The following FKBP6 variants were observed in gnomAD, a reference collection of about 807,000 sequenced individuals.
FKBP6 encodes FKBP prolyl isomerase family member 6 (inactive).
A neutral mutation model predicts 41.7 loss-of-function variants in FKBP6; 29 were observed. That is an observed-to-expected ratio of 0.70 (90% CI 0.52 to 0.95). The LOEUF (loss-of-function observed/expected upper bound fraction) is 0.95, where lower values mean the gene tolerates loss of function less well. FKBP6 is among the 40% of genes least tolerant of loss of function. The pLI, the probability that FKBP6 is intolerant of heterozygous loss-of-function variation, is 0.00. For synonymous variants in FKBP6, 130 were observed against 165.1 expected (o/e 0.79, Z 1.63); for missense variants, 338 against 408.7 (o/e 0.83, Z 1.49).
intron 8 of FKBP6, among the ~76,000 whole-genome samples, chr7:73,345,222 G>GAAAAA (rs1156457847): frequency 3.0e-5 from 2 of 66,648 alleles, no homozygotes; most frequent in African/African-American, 6.0e-5. Flanking sequence ...GCATCAGCCA[G>GAAAAA]AAAAAAAAAA....
chr7:73,342,132 C>T (rs563026054), intron 7 of FKBP6, among the ~76,000 whole-genome samples: 6 of 152,228 alleles, frequency 3.9e-5, no homozygotes, highest in East Asian at 1.9e-4. Flanking sequence ...TTGTTACCCA[C>T]GTGACTAAGC....
rs782516826 is a variant in FKBP6 at position 73,341,233 on chromosome 7, CTT to C, written c.784-37_784-36del. 698 of 1,399,294 alleles carry C rather than the reference CTT, an allele frequency of 5.0e-4. 3 individuals are homozygous for C. Among genetic ancestry groups the C allele is most frequent in the Non-Finnish European group, 6.1e-4 (600 of 984,098 alleles). The allele number at this position is 1,399,294 out of a possible 1,614,324, so 86.7% of individuals were successfully genotyped here. On this transcript the variant is annotated intron_variant, in intron 6 of 8. Coordinates refer to ENST00000252037, the MANE Select transcript of FKBP6 (RefSeq NM_003602.5). ...GCCACCGTGCCCAGCCAAATGATAT[CTT>C]TTCTAACTGTGCTTTTAAAGTTCTC...
chr7:73,349,273 G>A lies in FKBP6; in HGVS notation c.*2+6374G>A, dbSNP rs141163074. Among the ~76,000 whole-genome samples the A allele has an allele frequency of 1.4e-3, 216 of 151,588 alleles. 1 individual carries two copies. The highest frequency in any genetic ancestry group is 2.9e-3 in the Admixed American group (44 of 15,206). ...AAAAATGCAAAATTAGCCAGGCGTGGTGGCACATGCCTGTAATCCCAGCTA... is the reference window on the plus strand; with the variant it reads ...AAAAATGCAAAATTAGCCAGGCGTGATGGCACATGCCTGTAATCCCAGCTA... On this transcript the variant is annotated intron_variant, in intron 8 of 8. Coordinates refer to ENST00000252037, the MANE Select transcript of FKBP6 (RefSeq NM_003602.5).
chr7:73,336,077 A>G (rs1554548522), intron 5 of FKBP6, among the ~76,000 whole-genome samples: 1 of 152,144 alleles, frequency 6.6e-6, no homozygotes, highest in Non-Finnish European at 1.5e-5. Context: ...ATGCAGCTCC[A>G]ACAGCTAACC....
intron 8 of FKBP6, among the ~76,000 whole-genome samples, chr7:73,345,188 G>T (rs1805301044): frequency 6.8e-6 from 1 of 147,602 alleles, no homozygotes; most frequent in South Asian, 2.1e-4. Context: ...CCTTGGTATT[G>T]CCAGGGACAG....
At chr7:73,351,140 C>A (rs782421217) in intron 8 of FKBP6, among the ~76,000 whole-genome samples, 2 of 151,964 alleles carry the variant, frequency 1.3e-5, no homozygotes, top group Non-Finnish European at 2.9e-5. Context: ...AGTACAGTGG[C>A]GCGATCTCAG....
In FKBP6 at chr7:73,328,700, C is replaced by G. The variant is rs372557515; in HGVS notation, c.175+8C>G. 1.6e-5 allele frequency: 25 copies of G among 1,611,922 alleles called. No individual in the cohort carries two copies. Among genetic ancestry groups the G allele is most frequent in the Non-Finnish European group, 1.9e-5 (23 of 1,179,828 alleles). On this transcript the variant is annotated splice_region_variant and intron_variant, in intron 2 of 8. Coordinates refer to ENST00000252037, the MANE Select transcript of FKBP6 (RefSeq NM_003602.5). ...CTGATGCTTCGGTGCTAGGTACGCC[C>G]TGGGGCGGTTTGTCCTCAGGATCCA...
rs569730075 is a variant in FKBP6, at chr7:73,350,783, T to G, written c.*3-7398T>G. Reference sequence around the variant, plus strand: ...AGGTGAGCCCCGGAGCAGCGGGCCCTCAGCCCAGTGCCAATGCCGAGGCCA... The same window carrying G: ...AGGTGAGCCCCGGAGCAGCGGGCCCGCAGCCCAGTGCCAATGCCGAGGCCA... On this transcript the variant is annotated intron_variant, in intron 8 of 8. Coordinates refer to ENST00000252037, the MANE Select transcript of FKBP6 (RefSeq NM_003602.5). Among the ~76,000 whole-genome samples, 79 of 152,230 alleles carry G rather than the reference T, an allele frequency of 5.2e-4. No individual in the cohort carries two copies. In the Middle Eastern group the frequency reaches 0.02, roughly 39 times the overall value.
At chr7:73,335,479 T>C (rs989537521) in intron 5 of FKBP6, among the ~76,000 whole-genome samples, 1 of 152,174 alleles carries the variant, frequency 6.6e-6, no homozygotes, top group South Asian at 2.1e-4. Context: ...TGAGATTCCT[T>C]TTCATAGCCG....
chr7:73,343,626 G>A (rs938246139), intron 8 of FKBP6, among the ~76,000 whole-genome samples: 9 of 152,160 alleles, frequency 5.9e-5, no homozygotes, highest in Non-Finnish European at 1.3e-4. Flanking sequence ...GCGGAATATA[G>A]CATTCCTCCC....
intron 8 of FKBP6, among the ~76,000 whole-genome samples, chr7:73,352,087 T>C: frequency 6.6e-6 from 1 of 152,328 alleles, no homozygotes; most frequent in African/African-American, 2.4e-5. Context: ...TGCCTCAGCT[T>C]CTTGAGTAGC....
In FKBP6 at chr7:73,342,017, C is replaced by A. The variant is rs138220012; in HGVS notation, c.893+635C>A. The stretch of plus-strand genomic sequence containing the variant: ...GGTGCGCTCTTCCCTGCGTGCTCCA[C>A]CAAGAACCACTGCTCCTAACCAAGT... On this transcript the variant is annotated intron_variant, in intron 7 of 8. Coordinates refer to ENST00000252037, the MANE Select transcript of FKBP6 (RefSeq NM_003602.5). 2.2e-3 allele frequency among the ~76,000 whole-genome samples: 329 copies of A among 152,094 alleles called. 1 individual carries two copies. The highest frequency in any genetic ancestry group is 3.4e-3 in the Middle Eastern group (1 of 294).
intron 5 of FKBP6, among the ~76,000 whole-genome samples, chr7:73,337,724 A>G (rs190306158): frequency 6.6e-6 from 1 of 152,004 alleles, no homozygotes; most frequent in Admixed American, 6.6e-5. Flanking sequence ...TTGTTGAGAT[A>G]TGATTCACAT....
chr7:73,331,669 C>T lies in FKBP6; in HGVS notation c.481C>T (p.Gln161Ter), dbSNP rs781844574. ...FCALSAEQQD[Q>*]FPLQKVLKVA... ...CTCTGGTCCTCAGGAGCAGCAAGAC[C>T]AATTTCCACTTCAGAAGGTCCTGAA... is the stretch of plus-strand genomic sequence containing the variant. Residue 161 changes from glutamine (Q) to a stop codon, truncating the protein, a stop_gained, in exon 5 of 9, where the codon CAA (glutamine) becomes TAA (stop). Coordinates refer to ENST00000252037, the MANE Select transcript of FKBP6 (RefSeq NM_003602.5). LOFTEE classifies it high-confidence loss of function. The T allele has an allele frequency of 1.2e-6, 2 of 1,613,736 alleles. No homozygotes were observed. Among genetic ancestry groups the T allele is most frequent in the Admixed American group, 3.3e-5 (2 of 60,014 alleles).
chr7:73,329,241 G>A lies in FKBP6; in HGVS notation c.176-119G>A, dbSNP rs1462010746. ...AGAAGATTTATTCCTGTACCTCGGG[G>A]TGTCGGGCAGCTTAAGCTCATCTGT... On this transcript the variant is annotated intron_variant, in intron 2 of 8. Transcript: ENST00000252037. The A allele has an allele frequency of 1.0e-5, 8 of 787,474 alleles. No homozygotes were observed. In the South Asian group the frequency reaches 1.1e-4, roughly 11 times the overall value. The allele number at this position is 787,474 out of a possible 1,614,324, so 48.8% of individuals were successfully genotyped here. A position where few individuals can be genotyped will look rare whatever the true frequency, so the allele number is the denominator to read the frequency against.
intron 3 of FKBP6, 52 bp from the exon 4 acceptor site, chr7:73,330,098 C>A: frequency 7.2e-7 from 1 of 1,379,446 alleles, no homozygotes; most frequent in Non-Finnish European, 1.0e-6. Context: ...ACTGATAGCA[C>A]TGAGCAGGAT....
chr7:73,328,748 G>C, intron 2 of FKBP6, 56 bp downstream of exon 2: 1 of 1,611,364 alleles, frequency 6.2e-7, no homozygotes, highest in Admixed American at 1.7e-5. Flanking sequence ...CTGTTGGGAA[G>C]AGAGAGGCCT....
chr7:73,344,402 A>G lies in FKBP6; in HGVS notation c.*2+1503A>G, dbSNP rs190872391. Among the ~76,000 whole-genome samples the G allele has an allele frequency of 3.9e-5, 6 of 152,326 alleles. No individual in the cohort carries two copies. The East Asian group carries it at 9.7e-4, about 25-fold the overall frequency. ...TCCAGCATTTATCTTACCATCAGCAATGACTGTATTTGTGTTCTAAAGTAG... is the reference window on the plus strand; with the variant it reads ...TCCAGCATTTATCTTACCATCAGCAGTGACTGTATTTGTGTTCTAAAGTAG... On this transcript the variant is annotated intron_variant, in intron 8 of 8. Transcript: ENST00000252037.
At chr7:73,333,281 A>ATC (rs1554548000) in intron 5 of FKBP6, among the ~76,000 whole-genome samples, 2 of 151,624 alleles carry the variant, frequency 1.3e-5, no homozygotes, top group East Asian at 3.9e-4. Context: ...CAAAAAAAAA[A>ATC]AAAACAAAAC....
Sources: gnomAD v4.1 joint callset for allele counts (sites outside exome capture counted in the v4.1 genomes callset) on GRCh38, gnomAD v4.1.1 for gene constraint, MANE v1.5 for transcripts, NCBI Gene and HGNC (gene_info 2026-07-23, HGNC 2026-07-21) for gene names.